The following EPB41L1 variants were observed in gnomAD, a reference collection of about 807,000 sequenced individuals.
The protein encoded by EPB41L1 is erythrocyte membrane protein band 4.1 like 1, also known as band 4.1-like protein 1.
In EPB41L1, 29 loss-of-function variants were observed where a neutral mutation model predicts 97.8. The ratio of observed to expected loss-of-function variants is 0.30; its 90% CI spans 0.22 to 0.40. EPB41L1 has a LOEUF of 0.40. Ranked by LOEUF, EPB41L1 falls within the 10% of genes least tolerant of loss-of-function variation. EPB41L1 has a pLI of 1.00. For synonymous variants in EPB41L1, 383 were observed against 459.2 expected (o/e 0.83, Z 2.12); for missense variants, 812 against 1,162.3 (o/e 0.70, Z 4.38).
At chr20:36,229,301 C>T in intron 21 of EPB41L1, 31 bp from the exon 22 acceptor site, 1 of 1,599,096 alleles carries the variant, frequency 6.3e-7, no homozygotes, top group East Asian at 2.2e-5. Context: ...ACTCCCCACC[C>T]CCCATTCTAC....
In EPB41L1 at chr20:36,198,032, A is replaced by G. The variant is rs1280343546; in HGVS notation, c.1659A>G (p.Lys553=). The G allele has an allele frequency of 6.2e-7, 1 of 1,613,512 alleles. No homozygotes were observed. Among genetic ancestry groups the G allele is most frequent in the Non-Finnish European group, 8.5e-7 (1 of 1,179,948 alleles). The change falls in exon 14 of 22, where the codon AAA becomes AAG. Residue 553 remains lysine (K), a synonymous_variant. Coordinates refer to ENST00000338074, the MANE Select transcript of EPB41L1 (RefSeq NM_012156.2). ...CCTCCCCCAAGGGCACCCCTGAGAA[A>G]GCCAATGAGGTAGGTGTCGCCCTGA... is the stretch of plus-strand genomic sequence containing the variant. The part of the protein sequence containing the change: ...ASPSPKGTPE[K]ANERAGLREG...
intron 2 of EPB41L1, among the ~76,000 whole-genome samples, chr20:36,126,937 A>G (rs148990053): frequency 1.5e-4 from 23 of 152,354 alleles, no homozygotes; most frequent in African/African-American, 4.6e-4. Context: ...TGGCAGCTAC[A>G]GGCTTTCCCA....
intron 2 of EPB41L1, among the ~76,000 whole-genome samples, chr20:36,117,938 A>G (rs1382623204): frequency 2.6e-5 from 4 of 152,220 alleles, no homozygotes; most frequent in African/African-American, 9.6e-5. Flanking sequence ...TGCTCTTGCC[A>G]ATCTCAGCTA....
intron 14 of EPB41L1, among the ~76,000 whole-genome samples, chr20:36,199,711 A>G (rs989892982): frequency 1.3e-5 from 2 of 152,236 alleles, no homozygotes; most frequent in African/African-American, 4.8e-5. Context: ...CTAGTGATCC[A>G]GTGAACAACA....
At chr20:36,150,249 T>G (rs1296014497), upstream of EPB41L1, among the ~76,000 whole-genome samples, 1 of 152,108 alleles carries the variant, frequency 6.6e-6, no homozygotes, top group Non-Finnish European at 1.5e-5. Flanking sequence ...TTTTGTATTT[T>G]TAGTAGAGAT....
chr20:36,184,974 A>T, intron 6 of EPB41L1, 143 bp from the exon 7 acceptor site: 1 of 771,902 alleles, frequency 1.3e-6, no homozygotes, highest in Non-Finnish European at 2.2e-6. Flanking sequence ...ACATACCCAG[A>T]TTGTCAATAT....
intron 1 of EPB41L1, among the ~76,000 whole-genome samples, chr20:36,107,610 A>T (rs997526838): frequency 6.7e-5 from 10 of 150,134 alleles, no homozygotes; most frequent in African/African-American, 2.2e-4. Flanking sequence ...TGGGCAGATC[A>T]CTTGACGTCA....
At chr20:36,167,613 C>G in intron 1 of EPB41L1, among the ~76,000 whole-genome samples, 1 of 151,836 alleles carries the variant, frequency 6.6e-6, no homozygotes, top group Admixed American at 6.6e-5. Context: ...GAGGCTGAGG[C>G]AGGAGAATTG....
intron 21 of EPB41L1, among the ~76,000 whole-genome samples, chr20:36,227,615 G>A (rs17093445): frequency 0.062 from 9,365 of 152,176 alleles, 984 homozygotes; most frequent in African/African-American, 0.21. Context: ...AAGTCAGATC[G>A]TAATTCTCCA....
At chr20:36,151,675 T>G (rs2060054010), upstream of EPB41L1, 1 of 152,298 alleles carries the variant, frequency 6.6e-6, no homozygotes, top group South Asian at 2.1e-4. Flanking sequence ...TCTCTCCTGC[T>G]TCCTCCAGCC....
At chr20:36,225,554 A>T (rs2064087421) in intron 21 of EPB41L1, among the ~76,000 whole-genome samples, 1 of 152,112 alleles carries the variant, frequency 6.6e-6, no homozygotes, top group Non-Finnish European at 1.5e-5. Context: ...CCTGGCTCTA[A>T]AGCTGTTCCA....
chr20:36,104,114 T>G (rs1440371781), intron 1 of EPB41L1, among the ~76,000 whole-genome samples: 1 of 152,192 alleles, frequency 6.6e-6, no homozygotes, highest in Non-Finnish European at 1.5e-5. Context: ...CTCCAGGGTC[T>G]TAAGGTCAAA....
chr20:36,095,339 C>G (rs1269522555), intron 1 of EPB41L1, among the ~76,000 whole-genome samples: 3 of 152,102 alleles, frequency 2.0e-5, no homozygotes, highest in Non-Finnish European at 4.4e-5. Flanking sequence ...AACTCCTGAC[C>G]TCAAGGGATC....
At chr20:36,099,920 G>A (rs1402382172) in intron 1 of EPB41L1, among the ~76,000 whole-genome samples, 1 of 152,204 alleles carries the variant, frequency 6.6e-6, no homozygotes, top group Non-Finnish European at 1.5e-5. Flanking sequence ...GTGTCCTGCT[G>A]TCAGGATTAG....
chr20:36,179,583 G>C (rs887370154), intron 5 of EPB41L1, among the ~76,000 whole-genome samples: 1 of 152,246 alleles, frequency 6.6e-6, no homozygotes, highest in Non-Finnish European at 1.5e-5. Context: ...ATGGCAGAAG[G>C]GGGTGGTAGG....
intron 7 of EPB41L1, among the ~76,000 whole-genome samples, chr20:36,185,600 TAA>T (rs1389752594): frequency 1.3e-5 from 2 of 152,240 alleles, no homozygotes; most frequent in Non-Finnish European, 2.9e-5. Flanking sequence ...CCTCTGAGAA[TAA>T]GTTTATCTGC....
chr20:36,143,057 C>A (rs2059697309), intron 2 of EPB41L1, among the ~76,000 whole-genome samples: 1 of 152,088 alleles, frequency 6.6e-6, no homozygotes, highest in African/African-American at 2.4e-5. Flanking sequence ...AAAAATAACT[C>A]CTGCCGGTTC....
rs535450201 is a variant in EPB41L1 at position 36,125,543 on chromosome 20, C to G, written c.-10+13063C>G. On this transcript the variant is annotated intron_variant, in intron 2 of 19. Transcript: ENST00000202028. ...CTCAGTAAAGGTGAGCTATTATCTTCCATTCAACAGTGGGGGATTCAGAAA... is the reference window on the plus strand; with the variant it reads ...CTCAGTAAAGGTGAGCTATTATCTTGCATTCAACAGTGGGGGATTCAGAAA... 3.3e-6 allele frequency: 5 copies of G among 1,535,252 alleles called. No individual in the cohort carries two copies. The African/African-American group carries it at 6.8e-5, about 21-fold the overall frequency.
intron 1 of EPB41L1, among the ~76,000 whole-genome samples, chr20:36,172,473 T>C (rs2061034154): frequency 6.6e-6 from 1 of 152,270 alleles, no homozygotes; most frequent in Non-Finnish European, 1.5e-5. Context: ...CCCAGGGATC[T>C]CTTTCATTTT....
Sources: allele counts gnomAD v4.1 joint callset (sites outside exome capture counted in the v4.1 genomes callset), GRCh38; gene constraint gnomAD v4.1.1; transcripts MANE v1.5; gene names NCBI Gene and HGNC (gene_info 2026-07-23, HGNC 2026-07-21).